SECISBP2: variants seen among roughly 807,000 people sequenced by gnomAD.
SECISBP2 encodes SECIS binding protein 2.
SECISBP2 carries 96 observed loss-of-function variants against 98.2 expected under a neutral mutation model. The ratio of observed to expected loss-of-function variants is 0.98; its 90% CI spans 0.83 to 1.16. The LOEUF is 1.16. SECISBP2 is among the 50% of genes most tolerant of loss of function. The probability of loss-of-function intolerance (pLI) is 0.00; values close to 1 mark genes in which losing one functional copy is unlikely to be tolerated. For missense variants in SECISBP2, 1,046 were observed against 1,022.9 expected (o/e 1.02, Z -0.31); for synonymous variants, 407 against 370.2 (o/e 1.10, Z -1.14).
intron 5 of SECISBP2, chr9:89,329,713 C>G (rs1380919416): frequency 1.3e-5 from 2 of 152,136 alleles, no homozygotes; most frequent in Admixed American, 6.6e-5. Flanking sequence ...ATCCACCTGC[C>G]TTGGCCTCCC....
At chr9:89,327,331 A>G (rs1826905353) in intron 4 of SECISBP2, among the ~76,000 whole-genome samples, 1 of 152,206 alleles carries the variant, frequency 6.6e-6, no homozygotes, top group African/African-American at 2.4e-5. Context: ...AACATTGTAC[A>G]CTTAGGCTAC....
intron 5 of SECISBP2, among the ~76,000 whole-genome samples, chr9:89,330,797 C>T (rs552876285): frequency 1.9e-4 from 29 of 152,328 alleles, no homozygotes; most frequent in African/African-American, 6.5e-4. Flanking sequence ...ACGTACCGCT[C>T]TCATGAGTGC....
At chr9:89,333,123 G>A in intron 6 of SECISBP2, 137 bp downstream of exon 6, 1 of 741,826 alleles carries the variant, frequency 1.3e-6, no homozygotes, top group East Asian at 2.7e-5. Context: ...CCTAACATCA[G>A]TGTTAGTTTA....
At chr9:89,323,987 A>G (rs896556628) in intron 2 of SECISBP2, 1 of 152,204 alleles carries the variant, frequency 6.6e-6, no homozygotes, top group Non-Finnish European at 1.5e-5. Flanking sequence ...GTCAAAACCA[A>G]TGGAACCTGT....
At chr9:89,350,054 A>G in intron 13 of SECISBP2, 125 bp downstream of exon 13, 1 of 1,163,800 alleles carries the variant, frequency 8.6e-7, no homozygotes, top group Non-Finnish European at 1.3e-6. Context: ...CTCATGGTTG[A>G]AAGAAGCTGG....
At position 89,339,847 on chromosome 9, in the gene SECISBP2, G is replaced by A. The variant is rs1225271498; in HGVS notation, c.1213-17G>A. The stretch of plus-strand genomic sequence containing the variant: ...TTGCATTAACAAAAGAGCTAAAGGG[G>A]TGTGTGGTTTACTTAGGATGCCGAG... On this transcript the variant is annotated splice_polypyrimidine_tract_variant and intron_variant, in intron 8 of 16. Coordinates refer to ENST00000375807, the MANE Select transcript of SECISBP2 (RefSeq NM_024077.5). The A allele has an allele frequency of 4.4e-6, 7 of 1,583,620 alleles. No individual in the cohort carries two copies. Among genetic ancestry groups the A allele is most frequent in the East Asian group, 2.2e-5 (1 of 44,712 alleles).
At chr9:89,341,199 A>AT (rs974527443) in intron 9 of SECISBP2, 148 bp from the exon 10 acceptor site, 24 of 738,610 alleles carry the variant, frequency 3.2e-5, no homozygotes, top group Non-Finnish European at 4.6e-5. Flanking sequence ...TGTGGGATTG[A>AT]TTTTTTTTCC....
downstream of SECISBP2, chr9:89,364,021 A>G (rs1554730118): frequency 1.1e-5 from 17 of 1,612,720 alleles, no homozygotes; most frequent in South Asian, 1.5e-4. Context: ...ATGAGGGTGC[A>G]GGGGGGTTAC....
chr9:89,366,635 T>A, the SECISBP2 span, among the ~76,000 whole-genome samples: 1 of 152,248 alleles, frequency 6.6e-6, no homozygotes, highest in Non-Finnish European at 1.5e-5. Context: ...TACATAGATG[T>A]ACAAACATAT....
At chr9:89,318,890 C>G in intron 1 of SECISBP2, 2 of 1,243,546 alleles carry the variant, frequency 1.6e-6, no homozygotes, top group African/African-American at 3.1e-5. Flanking sequence ...GCGCTCCCCG[C>G]AGTCGGGGCG....
At chr9:89,326,907 A>G (rs1403899895) in intron 4 of SECISBP2, among the ~76,000 whole-genome samples, 1 of 152,238 alleles carries the variant, frequency 6.6e-6, no homozygotes, top group Non-Finnish European at 1.5e-5. Flanking sequence ...TCACGCCTGT[A>G]ATCCCAGCAC....
chr9:89,355,705 AGGTTT>A, intron 14 of SECISBP2: 2 of 299,302 alleles, frequency 6.7e-6, no homozygotes, highest in Non-Finnish European at 9.9e-6. Flanking sequence ...AGCGTTTAAA[AGGTTT>A]GCTTTTAAAA....
At chr9:89,340,655 A>G (rs940627206) in intron 9 of SECISBP2, among the ~76,000 whole-genome samples, 37 of 152,020 alleles carry the variant, frequency 2.4e-4, no homozygotes, top group African/African-American at 8.5e-4. Context: ...TGCACTTGGT[A>G]CTTTCCCCTG....
chr9:89,353,873 A>T (rs1296349441), intron 14 of SECISBP2, among the ~76,000 whole-genome samples: 1 of 152,212 alleles, frequency 6.6e-6, no homozygotes, highest in African/African-American at 2.4e-5. Context: ...GCATTTGTGT[A>T]ATCATTGGTT....
rs147767867 is a variant in SECISBP2 at position 89,337,196 on chromosome 9, A to T, written c.1090-1262A>T. 1.2e-4 allele frequency among the ~76,000 whole-genome samples: 18 copies of T among 152,266 alleles called. No homozygotes were observed. The East Asian group carries it at 3.3e-3, about 28-fold the overall frequency. On this transcript the variant is annotated intron_variant, in intron 7 of 16. Coordinates refer to ENST00000375807, the MANE Select transcript of SECISBP2 (RefSeq NM_024077.5). ...TATTTTCCCAAGATCTTTTTTAAAA[A>T]TTTTCTTAATTATAGGTCTAAGAAA...
At chr9:89,325,197 T>A (rs1410173987) in intron 2 of SECISBP2, 7 of 538,836 alleles carry the variant, frequency 1.3e-5, no homozygotes, top group Non-Finnish European at 2.3e-5. Flanking sequence ...TCTGTTGATG[T>A]TTCTTACGGA....
chr9:89,331,400 ATTATTT>A (rs1405326675), intron 5 of SECISBP2, among the ~76,000 whole-genome samples: 1 of 152,172 alleles, frequency 6.6e-6, no homozygotes, highest in African/African-American at 2.4e-5. Context: ...GTGTTTTAAT[ATTATTT>A]TTTATTCCTG....
chr9:89,358,339 T>C (rs892354904), intron 16 of SECISBP2, 148 bp downstream of exon 16: 1 of 820,688 alleles, frequency 1.2e-6, no homozygotes, highest in Non-Finnish European at 2.1e-6. Context: ...CTAAGAGGTA[T>C]TATCAGACTT....
In SECISBP2 at chr9:89,341,391, G is replaced by C. The variant is rs755845773; in HGVS notation, c.1347G>C (p.Gln449His). The C allele has an allele frequency of 1.9e-6, 3 of 1,614,052 alleles. 1 individual carries two copies. Among genetic ancestry groups the C allele is most frequent in the South Asian group, 2.2e-5 (2 of 91,070 alleles). Reference protein sequence around the residue: ...NNVKKSQLPVQLDLGGMLTAL... With the variant: ...NNVKKSQLPVHLDLGGMLTAL... ...TAAAGAAGAGCCAGCTTCCAGTGCA[G>C]TTGGACTTGGGGGGCATGCTGACAG... Residue 449 changes from glutamine (Q) to histidine (H), a missense_variant, in exon 10 of 17, where the codon CAG becomes CAC. Transcript: ENST00000375807.
Sources: allele counts gnomAD v4.1 joint callset (sites outside exome capture counted in the v4.1 genomes callset), GRCh38; gene constraint gnomAD v4.1.1; transcripts MANE v1.5; gene names NCBI Gene and HGNC (gene_info 2026-07-23, HGNC 2026-07-21).